CNKSR2: variants seen among roughly 807,000 people sequenced by gnomAD.
CNKSR2 encodes CNK homolog protein 2.
CNKSR2 carries 14 observed loss-of-function variants against 84.4 expected under a neutral mutation model. That is an observed-to-expected ratio of 0.17 (90% CI 0.11 to 0.26). The LOEUF is 0.26. Among genes scored for constraint, CNKSR2 ranks in the 10% least tolerant of loss-of-function variants. The pLI is 1.00. For missense variants in CNKSR2, 485 were observed against 771.2 expected (o/e 0.63, Z 4.40); for synonymous variants, 275 against 277.9 (o/e 0.99, Z 0.10).
rs774092030 is a variant in CNKSR2 at position 21,480,739 on chromosome X, T to G, written c.562-9720T>G. On this transcript the variant is annotated intron_variant, in intron 5 of 21. Coordinates refer to ENST00000379510, the MANE Select transcript of CNKSR2 (RefSeq NM_014927.5). ...GAAAGTAGGCTCGAAGTGTCATGGG[T>G]GAACTTCTTACTCATCAAAGGTGTA... 6.2e-5 allele frequency among the ~76,000 whole-genome samples: 7 copies of G among 112,074 alleles called. No homozygotes were observed. In the East Asian group the frequency reaches 2.0e-3, roughly 31 times the overall value.
intron 4 of CNKSR2, among the ~76,000 whole-genome samples, chrX:21,466,342 C>T (rs1414443981): frequency 1.8e-5 from 2 of 110,672 alleles, no homozygotes; most frequent in African/African-American, 6.6e-5. Flanking sequence ...GGATTTGGCC[C>T]CAAGTATTAA....
At chrX:21,487,803 T>C (rs1425462461) in intron 5 of CNKSR2, among the ~76,000 whole-genome samples, 1 of 112,498 alleles carries the variant, frequency 8.9e-6, no homozygotes, top group Non-Finnish European at 1.9e-5. Flanking sequence ...TAAGACAAAT[T>C]TTTAAAAATA....
chrX:21,604,920 G>A (rs2092507481), intron 18 of CNKSR2, among the ~76,000 whole-genome samples: 1 of 111,558 alleles, frequency 9.0e-6, no homozygotes, highest in African/African-American at 3.3e-5. Flanking sequence ...AGAACACCAG[G>A]CATTTATTTC....
intron 1 of CNKSR2, among the ~76,000 whole-genome samples, chrX:21,415,781 A>ATT (rs1310798883): frequency 1.9e-5 from 2 of 106,499 alleles, no homozygotes; most frequent in South Asian, 8.4e-4. Flanking sequence ...AACTTAAAGT[A>ATT]TTATATATAT....
At chrX:21,436,779 T>G (rs769135450) in intron 3 of CNKSR2, among the ~76,000 whole-genome samples, 4 of 111,155 alleles carry the variant, frequency 3.6e-5, no homozygotes, top group African/African-American at 1.3e-4. Flanking sequence ...ATCTATCGTT[T>G]TTACTCTCAT....
intron 13 of CNKSR2, among the ~76,000 whole-genome samples, chrX:21,566,117 G>GA (rs1233473475): frequency 9.0e-6 from 1 of 111,482 alleles, no homozygotes; most frequent in East Asian, 2.8e-4. Context: ...GGCTTGACTT[G>GA]AAAAAACATG....
At chrX:21,635,128 T>G (rs957696926) in intron 20 of CNKSR2, among the ~76,000 whole-genome samples, 11 of 108,477 alleles carry the variant, frequency 1.0e-4, no homozygotes, top group Admixed American at 9.1e-4. Context: ...TGCTTGTGTG[T>G]GGGGGAGTGC....
chrX:21,478,059 G>A (rs982976967), intron 5 of CNKSR2, among the ~76,000 whole-genome samples: 3 of 111,246 alleles, frequency 2.7e-5, no homozygotes, highest in Admixed American at 1.9e-4. Flanking sequence ...ATAAATTATG[G>A]TCAGTCTCAC....
chrX:21,606,062 T>C (rs2092514868), intron 18 of CNKSR2, among the ~76,000 whole-genome samples: 1 of 112,284 alleles, frequency 8.9e-6, no homozygotes, highest in Non-Finnish European at 1.9e-5. Flanking sequence ...CTCAGAGTTC[T>C]TTCCCCTCCC....
intron 8 of CNKSR2, 58 bp downstream of exon 8, chrX:21,501,646 T>C: frequency 1.7e-6 from 1 of 590,110 alleles, no homozygotes; most frequent in African/African-American, 2.3e-5. Flanking sequence ...TGCTAAAGCT[T>C]TAAAAGAATG....
chrX:21,606,843 T>A lies in CNKSR2; in HGVS notation c.2109T>A (p.Pro703=). Residue 703 remains proline (P), a synonymous_variant, in exon 19 of 22, where the codon CCT becomes CCA. Transcript: ENST00000379510. ...DTPSTPKQDS[P]PPPYDTYPRP... ...CATCAACACCAAAACAAGATAGCCCTCCACCCCCATATGATACATACCCAC... is the reference window on the plus strand; with the variant it reads ...CATCAACACCAAAACAAGATAGCCCACCACCCCCATATGATACATACCCAC... The A allele has an allele frequency of 3.3e-6, 4 of 1,194,790 alleles. No individual in the cohort carries two copies. The highest frequency in any genetic ancestry group is 4.5e-6 in the Non-Finnish European group (4 of 881,532).
intron 11 of CNKSR2, among the ~76,000 whole-genome samples, chrX:21,533,573 ATTGGTAGTCCCT>A (rs1442606158): frequency 9.0e-6 from 1 of 111,404 alleles, no homozygotes; most frequent in Non-Finnish European, 1.9e-5. Context: ...ATGGCTATAA[ATTGGTAGTCCCT>A]TCGGACTACA....
chrX:21,600,460 G>T (rs1249852771), intron 17 of CNKSR2, among the ~76,000 whole-genome samples: 1 of 111,994 alleles, frequency 8.9e-6, no homozygotes, highest in Non-Finnish European at 1.9e-5. Context: ...ATGGATTATG[G>T]CTCAGGATTG....
At chrX:21,581,751 T>A (rs1372030047) in intron 13 of CNKSR2, among the ~76,000 whole-genome samples, 1 of 112,068 alleles carries the variant, frequency 8.9e-6, no homozygotes, top group East Asian at 2.8e-4. Flanking sequence ...AACAGATAAT[T>A]GTATGTCGCA....
chrX:21,491,109 A>AT (rs755415358), intron 6 of CNKSR2: 1 of 111,480 alleles, frequency 9.0e-6, no homozygotes, highest in Non-Finnish European at 1.9e-5. Flanking sequence ...TATGAGTTGT[A>AT]TTTTTTTATT....
intron 1 of CNKSR2, among the ~76,000 whole-genome samples, chrX:21,411,394 T>C (rs1432536133): frequency 2.3e-4 from 26 of 111,632 alleles, no homozygotes; most frequent in African/African-American, 8.5e-4. Context: ...ATAGCTAAAA[T>C]AGCGAACCAA....
intron 3 of CNKSR2, among the ~76,000 whole-genome samples, chrX:21,436,544 C>T (rs940739483): frequency 2.8e-5 from 3 of 108,680 alleles, no homozygotes; most frequent in Non-Finnish European, 5.7e-5. Flanking sequence ...AGCCACTTAT[C>T]GATGATCCAA....
intron 4 of CNKSR2, among the ~76,000 whole-genome samples, chrX:21,449,499 A>T (rs898592521): frequency 1.8e-5 from 2 of 110,656 alleles, no homozygotes; most frequent in African/African-American, 6.6e-5. Flanking sequence ...TAAAATCTGC[A>T]TTGGTTAGGT....
intron 5 of CNKSR2, among the ~76,000 whole-genome samples, chrX:21,481,492 C>T (rs2091319309): frequency 9.0e-6 from 1 of 111,546 alleles, no homozygotes; most frequent in Non-Finnish European, 1.9e-5. Context: ...ACCCCTGTCC[C>T]CTGGTATATA....
Sources: allele counts gnomAD v4.1 joint callset (sites outside exome capture counted in the v4.1 genomes callset), GRCh38; gene constraint gnomAD v4.1.1; transcripts MANE v1.5; gene names NCBI Gene and HGNC (gene_info 2026-07-23, HGNC 2026-07-21).